The following TBC1D5 variants were observed in gnomAD, a reference collection of about 807,000 sequenced individuals.
TBC1D5 encodes TBC1 domain family member 5.
A neutral mutation model predicts 100.3 loss-of-function variants in TBC1D5; 75 were observed. The ratio of observed to expected loss-of-function variants is 0.75; its 90% CI spans 0.62 to 0.91. The LOEUF is 0.91. Among genes scored for constraint, TBC1D5 ranks in the 40% least tolerant of loss-of-function variants. The pLI is 0.00. For missense variants in TBC1D5, 910 were observed against 942.4 expected, an observed-to-expected ratio of 0.97 and a Z score of 0.45; for synonymous variants, 323 against 325.6, an observed-to-expected ratio of 0.99 and a Z score of 0.09.
chr3:17,460,385 G>C (rs928879539), intron 3 of TBC1D5, among the ~76,000 whole-genome samples: 1 of 152,084 alleles, frequency 6.6e-6, no homozygotes, highest in African/African-American at 2.4e-5. Context: ...GAACGTTATG[G>C]CTTTCTAAAA....
chr3:17,617,027 C>T (rs2062226515), intron 2 of TBC1D5, among the ~76,000 whole-genome samples: 1 of 152,102 alleles, frequency 6.6e-6, no homozygotes, highest in Non-Finnish European at 1.5e-5. Context: ...TTGCTCATAT[C>T]GTTGTTTCTT....
intron 19 of TBC1D5, among the ~76,000 whole-genome samples, chr3:17,184,321 TA>T (rs1375384045): frequency 6.6e-6 from 1 of 152,150 alleles, no homozygotes; most frequent in Non-Finnish European, 1.5e-5. Flanking sequence ...GGCAGGTGGT[TA>T]AAAAACACAT....
At chr3:17,451,482 C>A (rs1193086467) in intron 3 of TBC1D5, among the ~76,000 whole-genome samples, 2 of 151,690 alleles carry the variant, frequency 1.3e-5, no homozygotes, top group East Asian at 3.9e-4. Context: ...TGGTGATCAT[C>A]AAAAAAAAGT....
At chr3:17,693,487 A>T (rs978126910) in intron 1 of TBC1D5, among the ~76,000 whole-genome samples, 1 of 152,230 alleles carries the variant, frequency 6.6e-6, no homozygotes. Context: ...CTGCTAGCGC[A>T]GCAGTCTGAG....
chr3:17,665,658 A>C (rs1010798199), intron 1 of TBC1D5, among the ~76,000 whole-genome samples: 1 of 152,106 alleles, frequency 6.6e-6, no homozygotes, highest in African/African-American at 2.4e-5. Flanking sequence ...ATAACTCACA[A>C]ATTTTTTCCT....
chr3:17,538,310 A>T (rs577616656), intron 2 of TBC1D5, among the ~76,000 whole-genome samples: 20 of 152,100 alleles, frequency 1.3e-4, no homozygotes, highest in Non-Finnish European at 2.5e-4. Context: ...TCTCAGGAAG[A>T]TCTCAAACAG....
At chr3:17,376,249 A>C (rs1479229258) in intron 10 of TBC1D5, among the ~76,000 whole-genome samples, 1 of 152,122 alleles carries the variant, frequency 6.6e-6, no homozygotes, top group Non-Finnish European at 1.5e-5. Context: ...TGATTACAAC[A>C]AAAATTTTCC....
At chr3:17,571,904 C>G (rs561570039) in intron 2 of TBC1D5, among the ~76,000 whole-genome samples, 126 of 152,170 alleles carry the variant, frequency 8.3e-4, no homozygotes, top group Non-Finnish European at 1.5e-3. Context: ...CATACTCTCT[C>G]CATACATCTT....
At chr3:17,546,763 A>T (rs934196944) in intron 2 of TBC1D5, among the ~76,000 whole-genome samples, 23 of 151,010 alleles carry the variant, frequency 1.5e-4, no homozygotes, top group Admixed American at 1.2e-3. Flanking sequence ...AGCCTGGCTG[A>T]CAAGAGCGAG....
chr3:17,476,936 TA>T (rs1332438203), intron 3 of TBC1D5, among the ~76,000 whole-genome samples: 3 of 151,982 alleles, frequency 2.0e-5, no homozygotes, highest in Non-Finnish European at 4.4e-5. Flanking sequence ...GGAATATAGG[TA>T]AACTAAATTA....
chr3:17,426,533 A>C (rs1159890163), intron 4 of TBC1D5, among the ~76,000 whole-genome samples: 1 of 152,096 alleles, frequency 6.6e-6, no homozygotes, highest in African/African-American at 2.4e-5. Flanking sequence ...TAATTACAAC[A>C]ATAAATTAAT....
At chr3:17,637,204 T>A (rs1451300675) in intron 1 of TBC1D5, among the ~76,000 whole-genome samples, 1 of 140,342 alleles carries the variant, frequency 7.1e-6, no homozygotes, top group African/African-American at 2.7e-5. Flanking sequence ...TTTTTTTTTT[T>A]TTTTTTTTTT....
chr3:17,726,990 ATAGT>A (rs1268192246), intron 1 of TBC1D5, among the ~76,000 whole-genome samples: 1 of 152,210 alleles, frequency 6.6e-6, no homozygotes, highest in East Asian at 1.9e-4. Flanking sequence ...CTACTAATAG[ATAGT>A]AAGATTCTGA....
chr3:17,245,890 T>C (rs916360878), intron 16 of TBC1D5, among the ~76,000 whole-genome samples: 6 of 152,180 alleles, frequency 3.9e-5, no homozygotes, highest in Non-Finnish European at 7.3e-5. Context: ...TAAATAACCA[T>C]GGTTCACACG....
intron 13 of TBC1D5, among the ~76,000 whole-genome samples, chr3:17,354,907 A>T (rs1279083297): frequency 6.6e-6 from 1 of 152,102 alleles, no homozygotes; most frequent in Non-Finnish European, 1.5e-5. Context: ...CAAATTCAGT[A>T]TGCATACAAT....
At chr3:17,434,969 C>T (rs1036617225) in intron 3 of TBC1D5, among the ~76,000 whole-genome samples, 1 of 152,222 alleles carries the variant, frequency 6.6e-6, no homozygotes, top group African/African-American at 2.4e-5. Context: ...AGGGCAGGGG[C>T]AAAATGCCAC....
chr3:17,393,587 C>T (rs545819135), intron 8 of TBC1D5, among the ~76,000 whole-genome samples: 11 of 152,230 alleles, frequency 7.2e-5, no homozygotes, highest in Admixed American at 7.2e-4. Context: ...TACAAGGCTA[C>T]AGTAACCAAA....
chr3:17,563,067 G>A (rs2096569957), intron 2 of TBC1D5, among the ~76,000 whole-genome samples: 1 of 152,222 alleles, frequency 6.6e-6, no homozygotes, highest in Non-Finnish European at 1.5e-5. Flanking sequence ...TTATGTAAAT[G>A]ATGAGGGGAT....
chr3:17,289,464 T>C (rs2081498985), intron 15 of TBC1D5, among the ~76,000 whole-genome samples: 1 of 151,848 alleles, frequency 6.6e-6, no homozygotes. Context: ...TGAAACCCCA[T>C]ATCTACTAAA....
Sources: allele counts gnomAD v4.1 joint callset (sites outside exome capture counted in the v4.1 genomes callset), GRCh38; gene constraint gnomAD v4.1.1; transcripts MANE v1.5; gene names NCBI Gene and HGNC (gene_info 2026-07-23, HGNC 2026-07-21).